BIN3: variants seen among roughly 807,000 people sequenced by gnomAD.
The protein encoded by BIN3 is bridging integrator 3.
In BIN3, 41 loss-of-function variants were observed where a neutral mutation model predicts 38.2. That is an observed-to-expected ratio of 1.07 (90% CI 0.84 to 1.39). BIN3 has a LOEUF of 1.39. BIN3 is among the 40% of genes most tolerant of loss of function. The probability of loss-of-function intolerance (pLI) is 0.00; values close to 1 mark genes in which losing one functional copy is unlikely to be tolerated. For missense variants in BIN3, 361 were observed against 324.3 expected (o/e 1.11, Z -0.87); for synonymous variants, 145 against 122.6 (o/e 1.18, Z -1.21).
chr8:22,646,228 G>A, intron 1 of BIN3, among the ~76,000 whole-genome samples: 1 of 152,224 alleles, frequency 6.6e-6, no homozygotes, highest in East Asian at 1.9e-4. Flanking sequence ...GCTATGGAAA[G>A]GGTAGACTCC....
chr8:22,633,515 G>T (rs767461303), intron 4 of BIN3, among the ~76,000 whole-genome samples: 7 of 152,236 alleles, frequency 4.6e-5, no homozygotes, highest in African/African-American at 1.4e-4. Flanking sequence ...CCTCTGGAAT[G>T]TAAGATTCAA....
intron 2 of BIN3, among the ~76,000 whole-genome samples, chr8:22,643,588 G>A (rs975750251): frequency 3.3e-5 from 5 of 152,214 alleles, no homozygotes; most frequent in Admixed American, 1.3e-4. Flanking sequence ...GATTACAGGC[G>A]TAAGCCACTG....
At chr8:22,637,630 C>T (rs1251476399) in intron 2 of BIN3, among the ~76,000 whole-genome samples, 7 of 152,188 alleles carry the variant, frequency 4.6e-5, no homozygotes, top group South Asian at 2.1e-4. Flanking sequence ...GCACTTGTTG[C>T]GGAAGATGAA....
At chr8:22,651,202 G>C (rs185232712) in intron 1 of BIN3, among the ~76,000 whole-genome samples, 1 of 152,060 alleles carries the variant, frequency 6.6e-6, no homozygotes, top group African/African-American at 2.4e-5. Flanking sequence ...CCCTAAAATT[G>C]GTAATTGTCA....
rs541048533 is a variant in BIN3, at chr8:22,637,088, C to T, written c.58-126G>A. 5.0e-5 allele frequency: 39 copies of T among 783,398 alleles called. No individual in the cohort carries two copies. The South Asian group carries it at 5.7e-4, about 12-fold the overall frequency. 48.5% of individuals were successfully genotyped at this position (783,398 alleles called of 1,614,324 possible). On this transcript the variant is annotated intron_variant, in intron 2 of 8. Coordinates refer to ENST00000276416, the MANE Select transcript of BIN3 (RefSeq NM_018688.6). ...AGAAAACAACATGGTCCAGTTCACA[C>T]AAGCACCGACAGATCGCTCCTGACA...
chr8:22,657,256 G>C (rs1239671086), intron 1 of BIN3, among the ~76,000 whole-genome samples: 1 of 152,172 alleles, frequency 6.6e-6, no homozygotes, highest in African/African-American at 2.4e-5. Context: ...TCTGACTTAA[G>C]GTTCCTGAAG....
intron 2 of BIN3, among the ~76,000 whole-genome samples, chr8:22,637,614 G>A (rs3779728): frequency 9.9e-5 from 15 of 152,178 alleles, no homozygotes; most frequent in African/African-American, 3.4e-4. Context: ...TCCTGAACCC[G>A]GGGCTGCACT....
intron 1 of BIN3, among the ~76,000 whole-genome samples, chr8:22,656,846 C>T (rs1363903782): frequency 6.6e-6 from 1 of 152,110 alleles, no homozygotes; most frequent in Non-Finnish European, 1.5e-5. Flanking sequence ...AACATATTTC[C>T]TAATATTGAG....
chr8:22,659,686 A>C (rs1213937821), intron 1 of BIN3, among the ~76,000 whole-genome samples: 1 of 152,260 alleles, frequency 6.6e-6, no homozygotes. Context: ...CCCTGGAGCC[A>C]GACAGCTGGG....
At chr8:22,644,889 C>T in intron 1 of BIN3, 86 bp from the exon 2 acceptor site, 1 of 1,247,870 alleles carries the variant, frequency 8.0e-7, no homozygotes, top group South Asian at 1.3e-5. Context: ...GGCCACTTTC[C>T]CCCAGGAGGG....
At chr8:22,644,902 A>G in intron 1 of BIN3, 99 bp from the exon 2 acceptor site, 1 of 1,080,370 alleles carries the variant, frequency 9.3e-7, no homozygotes, top group Non-Finnish European at 1.4e-6. Context: ...CAGGAGGGCG[A>G]GGAAGCGTGG....
At chr8:22,658,839 G>A (rs966843228) in intron 1 of BIN3, among the ~76,000 whole-genome samples, 5 of 139,914 alleles carry the variant, frequency 3.6e-5, no homozygotes, top group African/African-American at 5.5e-5. Context: ...AAGAGTAGGC[G>A]GTGGTGGTTG....
intron 1 of BIN3, among the ~76,000 whole-genome samples, chr8:22,667,605 G>T (rs1026144551): frequency 2.0e-5 from 3 of 152,198 alleles, no homozygotes; most frequent in African/African-American, 4.8e-5. Flanking sequence ...GGGAACTGAA[G>T]AATTGCCGCT....
chr8:22,636,164 G>C (rs1202498911), intron 4 of BIN3, among the ~76,000 whole-genome samples: 1 of 152,226 alleles, frequency 6.6e-6, no homozygotes, highest in Non-Finnish European at 1.5e-5. Flanking sequence ...AGGCCACGGA[G>C]TCTCGTTTCT....
At chr8:22,667,577 C>T (rs867287422) in intron 1 of BIN3, among the ~76,000 whole-genome samples, 6 of 152,078 alleles carry the variant, frequency 3.9e-5, no homozygotes, top group African/African-American at 9.7e-5. Flanking sequence ...ACTGAAAGGA[C>T]GTAATTCCTC....
intron 3 of BIN3, 156 bp downstream of exon 3, chr8:22,636,766 C>T: frequency 9.9e-7 from 1 of 1,014,766 alleles, no homozygotes; most frequent in Non-Finnish European, 1.5e-6. Context: ...CTCACATGGC[C>T]ATTGCCAGGG....
intron 5 of BIN3, 45 bp from the exon 6 acceptor site, chr8:22,630,049 A>G (rs755915874): frequency 3.0e-5 from 47 of 1,562,378 alleles, no homozygotes; most frequent in Non-Finnish European, 3.9e-5. Context: ...TGGGGAGGGG[A>G]GGGCGACACG....
In BIN3 at chr8:22,621,428, A is replaced by C; in HGVS notation, c.756T>G (p.Asp252Glu). 6.2e-7 allele frequency: 1 copy of C among 1,613,078 alleles called. No homozygotes were observed. Among genetic ancestry groups the C allele is most frequent in the Non-Finnish European group, 8.5e-7 (1 of 1,179,556 alleles). ...SELRALSIVA[D>E]D ...CTCCAAGAGTGACGGGGATTCAGTCATCGGCCACAATGGAGAGGGCCCGGA... is the reference window on the plus strand; with the variant it reads ...CTCCAAGAGTGACGGGGATTCAGTCCTCGGCCACAATGGAGAGGGCCCGGA... Residue 252 changes from aspartate to glutamate, a missense_variant, in exon 9 of 9, where the codon GAT becomes GAG. Physicochemically the swap from Asp to Glu is conservative, Grantham distance 45. Coordinates refer to ENST00000276416, the MANE Select transcript of BIN3 (RefSeq NM_018688.6).
At chr8:22,641,957 G>A (rs1039680106) in intron 2 of BIN3, among the ~76,000 whole-genome samples, 5 of 152,062 alleles carry the variant, frequency 3.3e-5, no homozygotes, top group South Asian at 2.1e-4. Flanking sequence ...GATCGGGATC[G>A]GGGGAGCTTT....
Sources: gnomAD v4.1 joint callset for allele counts (sites outside exome capture counted in the v4.1 genomes callset) on GRCh38, gnomAD v4.1.1 for gene constraint, MANE v1.5 for transcripts, NCBI Gene and HGNC (gene_info 2026-07-23, HGNC 2026-07-21) for gene names.